UNC13B: variants seen among roughly 807,000 people sequenced by gnomAD.
UNC13B encodes the protein protein unc-13 homolog B.
UNC13B carries 144 observed loss-of-function variants against 211.0 expected under a neutral mutation model. The observed-to-expected ratio is 0.68, with a 90% CI of 0.60 to 0.78. The LOEUF (loss-of-function observed/expected upper bound fraction) is 0.78. UNC13B is among the 30% of genes least tolerant of loss of function. UNC13B has a pLI of 0.00. For synonymous variants in UNC13B, 709 were observed against 725.8 expected (o/e 0.98, Z 0.37); for missense variants, 1,777 against 2,002.0 (o/e 0.89, Z 2.14).
In UNC13B at chr9:35,400,252, C is replaced by G. The variant is rs1304413045; in HGVS notation, c.12337-44C>G. On this transcript the variant is annotated intron_variant, in intron 36 of 39. Coordinates refer to ENST00000635942, the MANE Select transcript of UNC13B (RefSeq NM_001371189.2). The stretch of plus-strand genomic sequence containing the variant: ...GAGGACAATGTTGGGGAGCTGCTTT[C>G]TGTAAGGGGATGAAGCAGTCACGGG... 4 of 1,602,234 alleles carry G rather than the reference C, an allele frequency of 2.5e-6. No homozygotes were observed. The Admixed American group carries it at 5.1e-5, about 20-fold the overall frequency.
rs535547715 is a variant in UNC13B at position 35,323,567 on chromosome 9, T to C, written c.9414+9578T>C. Reference sequence around the variant, plus strand: ...CCCTGGCCCTAGCTGCTCCTCTGAATGCTGTGAGACAACCCTTGTTCTCAA... The same window carrying C: ...CCCTGGCCCTAGCTGCTCCTCTGAACGCTGTGAGACAACCCTTGTTCTCAA... On this transcript the variant is annotated intron_variant, in intron 11 of 39. Transcript: ENST00000635942. Among the ~76,000 whole-genome samples, 3 of 152,344 alleles carry C rather than the reference T, an allele frequency of 2.0e-5. No individual in the cohort carries two copies. The South Asian group carries it at 6.2e-4, about 32-fold the overall frequency.
intron 11 of UNC13B, among the ~76,000 whole-genome samples, chr9:35,318,275 T>C (rs1348576435): frequency 6.6e-6 from 1 of 152,074 alleles, no homozygotes; most frequent in Non-Finnish European, 1.5e-5. Context: ...CTGATAACAG[T>C]TTAAGATTGA....
intron 26 of UNC13B, among the ~76,000 whole-genome samples, chr9:35,394,583 G>A (rs574849393): frequency 2.1e-4 from 32 of 152,292 alleles, no homozygotes; most frequent in Admixed American, 6.5e-4. Flanking sequence ...GTGACAGAGC[G>A]AGACTCCATC....
chr9:35,291,814 C>T (rs535676701), intron 7 of UNC13B, among the ~76,000 whole-genome samples: 4 of 152,232 alleles, frequency 2.6e-5, no homozygotes, highest in East Asian at 3.9e-4. Flanking sequence ...GGTACTAAGA[C>T]GGGCCAAAGT....
intron 26 of UNC13B, among the ~76,000 whole-genome samples, chr9:35,394,567 C>T (rs1309722614): frequency 1.3e-5 from 2 of 152,098 alleles, no homozygotes. Context: ...CTGCACTCCA[C>T]CCTGGGTGAC....
intron 6 of UNC13B, among the ~76,000 whole-genome samples, chr9:35,243,739 A>G (rs1825931000): frequency 6.6e-6 from 1 of 152,024 alleles, no homozygotes; most frequent in Non-Finnish European, 1.5e-5. Flanking sequence ...TGTTTAGACT[A>G]TTGCATTGTT....
Position 35,310,576 on chromosome 9 carries a change from G to A in UNC13B, c.9118G>A (p.Asp3040Asn). The change falls in exon 10 of 40, where the codon GAC (aspartate) becomes AAC (asparagine). Residue 3040 changes from aspartate (D) to asparagine (N), a missense_variant. Transcript: ENST00000635942. The stretch of plus-strand genomic sequence containing the variant: ...ACAAGATGACGACCATCGGGAGACG[G>A]ACTCGATTCATTCTTGCCACAGCTC... ...HEQDDDHRET[D>N]SIHSCHSSHS... is the part of the protein sequence containing the mutation. The A allele has an allele frequency of 1.2e-6, 2 of 1,614,032 alleles. No individual in the cohort carries two copies.
Position 35,297,561 on chromosome 9 carries a change from T to TTTTTTTTTTTTTTTTTTTTTTGTTTTTTG in UNC13B, c.761+1637_761+1638insTTTTTTTTTTTTTTTGTTTTTTGTTTTTT. On this transcript the variant is annotated intron_variant, in intron 8 of 39. Coordinates refer to ENST00000635942, the MANE Select transcript of UNC13B (RefSeq NM_001371189.2). ...ACATACTTTGTCTTTTTTTTTTTTT[T>TTTTTTTTTTTTTTTTTTTTTTGTTTTTTG]TTTTTTGAGACGGAGTCTCGCTCTT... 2.3e-5 allele frequency among the ~76,000 whole-genome samples: 3 copies of TTTTTTTTTTTTTTTTTTTTTTGTTTTTTG among 128,164 alleles called. 1 individual carries two copies. Among genetic ancestry groups the TTTTTTTTTTTTTTTTTTTTTTGTTTTTTG allele is most frequent in the Non-Finnish European group, 5.1e-5 (3 of 59,100 alleles). 84.1% of individuals were successfully genotyped at this position (128,164 alleles called of 152,430 possible). A position where few individuals can be genotyped will look rare whatever the true frequency, so the allele number is the denominator to read the frequency against.
intron 11 of UNC13B, chr9:35,353,224 G>A: frequency 1.6e-6 from 2 of 1,232,258 alleles, no homozygotes; most frequent in Non-Finnish European, 2.0e-6. Context: ...CTTGTGTTCT[G>A]GGTGGCTCTC....
chr9:35,213,032 G>A (rs1824055580), intron 1 of UNC13B, among the ~76,000 whole-genome samples: 1 of 152,224 alleles, frequency 6.6e-6, no homozygotes, highest in African/African-American at 2.4e-5. Flanking sequence ...TCTGGTGGCT[G>A]TATAGGTTAA....
At chr9:35,205,319 A>G (rs1823580896) in intron 1 of UNC13B, among the ~76,000 whole-genome samples, 1 of 152,302 alleles carries the variant, frequency 6.6e-6, no homozygotes, top group East Asian at 1.9e-4. Flanking sequence ...ATACACACAC[A>G]CAAACACACA....
chr9:35,198,908 CG>C (rs1823101794), intron 1 of UNC13B, among the ~76,000 whole-genome samples: 1 of 152,110 alleles, frequency 6.6e-6, no homozygotes, highest in African/African-American at 2.4e-5. Context: ...ATGTGCACAA[CG>C]TGCAGGTTTG....
chr9:35,295,707 C>G lies in UNC13B; in HGVS notation c.538C>G (p.Pro180Ala), dbSNP rs1829317647. ...TGCTTATTCCATAGCTTTTGAAGAC[C>G]CTGATAGTGCCGTCGATGACCGAGA... The part of the protein sequence containing the change: ...TAAAQCSFED[P>A]DSAVDDRDSD... Residue 180 changes from proline to alanine, a missense_variant, in exon 8 of 40, where the codon CCT becomes GCT. Pro to Ala is a conservative substitution (Grantham distance 27). Coordinates refer to ENST00000635942, the MANE Select transcript of UNC13B (RefSeq NM_001371189.2). The G allele has an allele frequency of 6.2e-7, 1 of 1,613,980 alleles. No homozygotes were observed. Among genetic ancestry groups the G allele is most frequent in the Non-Finnish European group, 8.5e-7 (1 of 1,179,968 alleles).
At chr9:35,163,230 G>C (rs1317665292) in intron 1 of UNC13B, among the ~76,000 whole-genome samples, 2 of 152,222 alleles carry the variant, frequency 1.3e-5, no homozygotes, top group African/African-American at 4.8e-5. Context: ...TCTTGATTAT[G>C]AATGAGAGAG....
intron 11 of UNC13B, among the ~76,000 whole-genome samples, chr9:35,333,102 TTTATG>T (rs148439477): frequency 0.019 from 2,952 of 152,198 alleles, 96 homozygotes; most frequent in African/African-American, 0.067. Context: ...TTTTGACTTG[TTTATG>T]TTATAATTAT....
Position 35,305,650 on chromosome 9 carries a change from G to A in UNC13B, c.6246G>A (p.Gln2082=), listed in dbSNP as rs1829889505. 1 of 398,986 alleles carries A rather than the reference G, an allele frequency of 2.5e-6. No homozygotes were observed. The highest frequency in any genetic ancestry group is 4.4e-6 in the Non-Finnish European group (1 of 226,028). 24.7% of individuals were successfully genotyped at this position (398,986 alleles called of 1,614,324 possible). Residue 2082 remains glutamine (Q), a synonymous_variant, in exon 9 of 40, where the codon CAG becomes CAA. Transcript: ENST00000635942. Reference sequence around the variant, plus strand: ...TACCATTCAGAGACCATCTAATCCAGCAGTCACCTAATTCATCTTTTTCAA... The same window carrying A: ...TACCATTCAGAGACCATCTAATCCAACAGTCACCTAATTCATCTTTTTCAA... ...KEVPFRDHLI[Q]QSPNSSFSTS...
At chr9:35,313,253 T>C (rs938662985) in intron 10 of UNC13B, among the ~76,000 whole-genome samples, 2 of 152,120 alleles carry the variant, frequency 1.3e-5, no homozygotes, top group Admixed American at 1.3e-4. Flanking sequence ...CTAAAAGGAA[T>C]TGTCATTTTA....
At chr9:35,336,537 C>G (rs1831669431) in intron 11 of UNC13B, among the ~76,000 whole-genome samples, 1 of 152,002 alleles carries the variant, frequency 6.6e-6, no homozygotes, top group Admixed American at 6.6e-5. Context: ...CGCTCTGTCA[C>G]CCAGGTTGAA....
At position 35,377,692 on chromosome 9, in the gene UNC13B, A is replaced by C; in HGVS notation, c.10060A>C (p.Thr3354Pro). The part of the protein sequence containing the change: ...TSKWSAKITI[T>P]VVCAQGLQAK... ...CAAATGGTCAGCCAAGATCACCATT[A>C]CTGGTGAGCAGGCCACAGTTTGAGG... The change falls in exon 16 of 40, where the codon ACT (threonine) becomes CCT (proline). Residue 3354 changes from threonine to proline, a missense_variant. By Grantham distance (38) the Thr-to-Pro change is conservative. Coordinates refer to ENST00000635942, the MANE Select transcript of UNC13B (RefSeq NM_001371189.2). 1 of 1,613,552 alleles carries C rather than the reference A, an allele frequency of 6.2e-7. No homozygotes were observed.
Sources: gnomAD v4.1 joint callset for allele counts (sites outside exome capture counted in the v4.1 genomes callset) on GRCh38, gnomAD v4.1.1 for gene constraint, MANE v1.5 for transcripts, NCBI Gene and HGNC (gene_info 2026-07-23, HGNC 2026-07-21) for gene names.